The following LHCGR variants were observed in gnomAD, a reference collection of about 807,000 sequenced individuals.
LHCGR encodes lutropin-choriogonadotropic hormone receptor.
LHCGR carries 55 observed loss-of-function variants against 60.7 expected under a neutral mutation model. That is an observed-to-expected ratio of 0.91 (90% confidence interval 0.73 to 1.13). The LOEUF is 1.13. LHCGR is among the 50% of genes most tolerant of loss of function. The pLI is 0.00. For missense variants in LHCGR, 862 were observed against 836.0 expected, an observed-to-expected ratio of 1.03 and a Z score of -0.38; for synonymous variants, 337 against 316.5, an observed-to-expected ratio of 1.06 and a Z score of -0.69.
At chr2:48,692,708 T>C (rs987563455) in intron 10 of LHCGR, among the ~76,000 whole-genome samples, 2 of 152,148 alleles carry the variant, frequency 1.3e-5, no homozygotes, top group African/African-American at 4.8e-5. Flanking sequence ...GGGCCAACCA[T>C]AGAGGTAAGG....
Position 48,698,552 on chromosome 2 carries a change from C to G in LHCGR, c.866+63G>C, listed in dbSNP as rs11675952. 0.097 allele frequency: 133,949 copies of G among 1,384,300 alleles called. 7,273 individuals carry two copies. Among genetic ancestry groups the G allele is most frequent in the South Asian group, 0.13 (10,862 of 86,312 alleles). The allele number at this position is 1,384,300 out of a possible 1,614,324, so 85.8% of individuals were successfully genotyped here. ...GGGAGTGGAGCTGTCTACTCATTGA[C>G]TATTTTGAAATCTGAATTTCTGCCA... On this transcript the variant is annotated intron_variant, in intron 9 of 10. Coordinates refer to ENST00000294954, the MANE Select transcript of LHCGR (RefSeq NM_000233.4).
intron 10 of LHCGR, among the ~76,000 whole-genome samples, chr2:48,693,401 G>C (rs577978696): frequency 6.6e-6 from 1 of 152,276 alleles, no homozygotes; most frequent in African/African-American, 2.4e-5. Flanking sequence ...TACTTCCAAA[G>C]ATTCATATAC....
At chr2:48,724,921 T>C (rs1222701631) in intron 4 of LHCGR, among the ~76,000 whole-genome samples, 7 of 152,034 alleles carry the variant, frequency 4.6e-5, no homozygotes, top group Non-Finnish European at 1.0e-4. Context: ...TTTTGGGCAG[T>C]GATGGGAGGT....
intron 1 of LHCGR, among the ~76,000 whole-genome samples, chr2:48,751,971 G>A (rs370957025): frequency 9.8e-5 from 15 of 152,294 alleles, no homozygotes; most frequent in African/African-American, 3.6e-4. Flanking sequence ...TTGTCATAGA[G>A]ACAAAGATCT....
chr2:48,707,239 G>A (rs1217537974), intron 8 of LHCGR, among the ~76,000 whole-genome samples: 1 of 152,236 alleles, frequency 6.6e-6, no homozygotes, highest in Non-Finnish European at 1.5e-5. Flanking sequence ...AGGACAGCAA[G>A]TATTGCTGAC....
rs748731241 is a variant in LHCGR at position 48,735,223 on chromosome 2, C to T, written c.162-3925G>A. ...TCTAGTTGTGTGTTAAAGTTGAAAT[C>T]GAAACAGTCTGTCCTCCTTAGGGCT... On this transcript the variant is annotated intron_variant, in intron 1 of 10. Transcript: ENST00000294954. Among the ~76,000 whole-genome samples, 6 of 152,176 alleles carry T rather than the reference C, an allele frequency of 3.9e-5. No individual in the cohort carries two copies. In the East Asian group the frequency reaches 5.8e-4, roughly 15 times the overall value.
intron 4 of LHCGR, 102 bp downstream of exon 4, chr2:48,725,574 T>G: frequency 2.4e-6 from 2 of 818,826 alleles, no homozygotes; most frequent in Non-Finnish European, 4.3e-6. Flanking sequence ...AATAGTGCCA[T>G]GTATATGGTT....
chr2:48,706,244 G>T (rs980387070), intron 8 of LHCGR, among the ~76,000 whole-genome samples: 1 of 152,170 alleles, frequency 6.6e-6, no homozygotes, highest in Non-Finnish European at 1.5e-5. Context: ...TGGCTTGTAG[G>T]GTTTCTGCTG....
intron 1 of LHCGR, among the ~76,000 whole-genome samples, chr2:48,739,697 G>A (rs1307442460): frequency 1.3e-5 from 2 of 151,954 alleles, no homozygotes; most frequent in East Asian, 3.9e-4. Context: ...AGCATTAGGA[G>A]ATATACCTAA....
Position 48,713,907 on chromosome 2 carries a change from C to T in LHCGR, c.605+79G>A, listed in dbSNP as rs1036730863. ...GTTTATTTTTGCCCTGAGTTAGTTG[C>T]TGAAGATTGAATGTGATCTTGTAGC... On this transcript the variant is annotated intron_variant, in intron 7 of 10. Transcript: ENST00000294954. The T allele has an allele frequency of 9.0e-5, 102 of 1,138,786 alleles. 2 individuals carry two copies. The Admixed American group carries it at 1.8e-3, about 20-fold the overall frequency. 70.5% of individuals were successfully genotyped at this position (1,138,786 alleles called of 1,614,324 possible). A position where few individuals can be genotyped will look rare whatever the true frequency, so the allele number is the denominator to read the frequency against.
intron 1 of LHCGR, chr2:48,732,827 A>T (rs1241027961): frequency 9.4e-6 from 5 of 531,780 alleles, no homozygotes; most frequent in Non-Finnish European, 1.5e-5. Flanking sequence ...TCACTCAATA[A>T]TCTCTTAGAA....
At chr2:48,726,029 C>G (rs1050544110) in intron 3 of LHCGR, among the ~76,000 whole-genome samples, 1 of 152,132 alleles carries the variant, frequency 6.6e-6, no homozygotes, top group African/African-American at 2.4e-5. Context: ...ACCCCTCTCC[C>G]CCACCACAGA....
chr2:48,751,627 G>A (rs1558907099), intron 1 of LHCGR, among the ~76,000 whole-genome samples: 1 of 152,154 alleles, frequency 6.6e-6, no homozygotes, highest in Non-Finnish European at 1.5e-5. Context: ...ACTGAACACT[G>A]TTTTGGACCC....
chr2:48,723,777 G>C, intron 4 of LHCGR, 81 bp from the exon 5 acceptor site: 2 of 1,040,248 alleles, frequency 1.9e-6, no homozygotes, highest in Non-Finnish European at 3.0e-6. Context: ...TAAAAAGAGA[G>C]TACAAAGGCA....
At chr2:48,728,317 C>T (rs912048693) in intron 3 of LHCGR, among the ~76,000 whole-genome samples, 1 of 152,078 alleles carries the variant, frequency 6.6e-6, no homozygotes, top group Admixed American at 6.6e-5. Flanking sequence ...GATTAAATGA[C>T]ACAACATAGA....
chr2:48,729,009 T>C (rs1668866006), intron 3 of LHCGR, 144 bp downstream of exon 3: 2 of 739,258 alleles, frequency 2.7e-6, no homozygotes, highest in Non-Finnish European at 4.9e-6. Context: ...TGAGAAAAAT[T>C]AGTGCCTGCC....
At chr2:48,719,057 T>C (rs111865619) in intron 6 of LHCGR, among the ~76,000 whole-genome samples, 1 of 152,014 alleles carries the variant, frequency 6.6e-6, no homozygotes, top group South Asian at 2.1e-4. Context: ...GCATGGTGGC[T>C]CACGCCTGTA....
chr2:48,749,794 A>G (rs1194000503), intron 1 of LHCGR, among the ~76,000 whole-genome samples: 3 of 151,960 alleles, frequency 2.0e-5, no homozygotes, highest in South Asian at 4.2e-4. Flanking sequence ...TCCAATGCCA[A>G]AGAGATCTGT....
chr2:48,689,158 T>C (rs1043966152), intron 10 of LHCGR, among the ~76,000 whole-genome samples: 2 of 150,936 alleles, frequency 1.3e-5, no homozygotes, highest in Admixed American at 6.6e-5. Context: ...TATACATATA[T>C]ACACACATAT....
Sources: gnomAD v4.1 joint callset for allele counts (sites outside exome capture counted in the v4.1 genomes callset) on GRCh38, gnomAD v4.1.1 for gene constraint, MANE v1.5 for transcripts, NCBI Gene and HGNC (gene_info 2026-07-23, HGNC 2026-07-21) for gene names.